ZNF813: variants seen among roughly 807,000 people sequenced by gnomAD.
ZNF813 encodes zinc finger protein 813.
A neutral mutation model predicts 7.2 loss-of-function variants in ZNF813; 3 were observed. That is an observed-to-expected ratio of 0.42 (90% CI 0.19 to 1.08). The LOEUF is 1.08. ZNF813 is among the 50% of genes least tolerant of loss of function. ZNF813 has a pLI of 0.30. For synonymous variants in ZNF813, 227 were observed against 256.3 expected, an observed-to-expected ratio of 0.89 and a Z score of 1.09; for missense variants, 714 against 753.3, an observed-to-expected ratio of 0.95 and a Z score of 0.61.
At chr19:53,480,908 A>G (rs2086405083) in intron 1 of ZNF813, among the ~76,000 whole-genome samples, 1 of 152,156 alleles carries the variant, frequency 6.6e-6, no homozygotes, top group Non-Finnish European at 1.5e-5. Flanking sequence ...ACAAGTTAAG[A>G]ATGCATAAGG....
Position 53,494,619 on chromosome 19 carries a change from G to C in ZNF813, c.*2533G>C, listed in dbSNP as rs1213006885. ...GATTGCACCATTGCACTCCAGCCTG[G>C]TCAACAAGAGCGAAACTCTGTCTCA... is the stretch of plus-strand genomic sequence containing the variant. On this transcript the variant is annotated 3_prime_UTR_variant, in exon 4 of 4. Coordinates refer to ENST00000396403, the MANE Select transcript of ZNF813 (RefSeq NM_001004301.4). 6.8e-6 allele frequency: 1 copy of C among 147,616 alleles called. No individual in the cohort carries two copies. The highest frequency in any genetic ancestry group is 1.5e-5 in the Non-Finnish European group (1 of 67,474). 9.1% of individuals were successfully genotyped at this position (147,616 alleles called of 1,614,324 possible).
chr19:53,469,633 C>CAGAG (rs762875301), intron 1 of ZNF813, among the ~76,000 whole-genome samples: 281 of 151,964 alleles, frequency 1.8e-3, no homozygotes, highest in Non-Finnish European at 3.1e-3. Flanking sequence ...AGATGAAGGA[C>CAGAG]AGCAAGGTAG....
In ZNF813 at chr19:53,495,773, T is replaced by A. The variant is rs56677247; in HGVS notation, c.*3687T>A. 4 of 152,326 alleles carry A rather than the reference T, an allele frequency of 2.6e-5. No homozygotes were observed. The Admixed American group carries it at 2.6e-4, about 10-fold the overall frequency. The allele number at this position is 152,326 out of a possible 1,614,324, so 9.4% of individuals were successfully genotyped here. On this transcript the variant is annotated 3_prime_UTR_variant, in exon 4 of 4. Coordinates refer to ENST00000396403, the MANE Select transcript of ZNF813 (RefSeq NM_001004301.4). ...TTGCAGTGAGCCAAGATGGGGGCAA[T>A]AAGAGCAAAACTTTGTCTCAAAAAA...
intron 1 of ZNF813, among the ~76,000 whole-genome samples, chr19:53,480,491 T>A (rs1010951709): frequency 6.6e-6 from 1 of 152,202 alleles, no homozygotes; most frequent in African/African-American, 2.4e-5. Flanking sequence ...TTTGTTAGAT[T>A]TTTGAAAGAC....
chr19:53,483,951 A>T, intron 2 of ZNF813, 114 bp downstream of exon 2: 14 of 1,588,806 alleles, frequency 8.8e-6, no homozygotes, highest in Non-Finnish European at 1.2e-5. Context: ...GTTTGCTCAC[A>T]TTCACCCATG....
intron 1 of ZNF813, among the ~76,000 whole-genome samples, chr19:53,481,344 C>CCTTTTTT (rs2086407452): frequency 9.4e-6 from 1 of 106,400 alleles, no homozygotes; most frequent in African/African-American, 4.1e-5. Flanking sequence ...CCCATGTATT[C>CCTTTTTT]TTTTTTTTTT....
Position 53,491,176 on chromosome 19 carries a change from A to G in ZNF813, c.944A>G (p.Lys315Arg), listed in dbSNP as rs765323955. Reference protein sequence around the residue: ...DKAFSFKSNLKRHRRIHAGEK... With the variant: ...DKAFSFKSNLRRHRRIHAGEK... ...GCTTTCAGTTTCAAATCAAACCTTA[A>G]AAGACATAGGAGAATTCATGCTGGA... Residue 315 changes from lysine to arginine, a missense_variant, in exon 4 of 4, where the codon AAA becomes AGA. Transcript: ENST00000396403. The G allele has an allele frequency of 6.8e-6, 11 of 1,613,398 alleles. No individual in the cohort carries two copies. In the South Asian group the frequency reaches 1.2e-4, roughly 18 times the overall value.
chr19:53,477,445 C>T (rs1158399694), intron 1 of ZNF813, among the ~76,000 whole-genome samples: 1 of 152,080 alleles, frequency 6.6e-6, no homozygotes, highest in East Asian at 1.9e-4. Flanking sequence ...GGGTTGTCCT[C>T]AGCCTGTACT....
At chr19:53,487,733 G>A (rs965267736) in intron 3 of ZNF813, among the ~76,000 whole-genome samples, 1 of 149,596 alleles carries the variant, frequency 6.7e-6, no homozygotes, top group Admixed American at 6.7e-5. Context: ...GGGAGGTGAA[G>A]GTTGCAGTGA....
At chr19:53,484,464 C>G (rs544846214) in intron 2 of ZNF813, among the ~76,000 whole-genome samples, 1 of 152,170 alleles carries the variant, frequency 6.6e-6, no homozygotes, top group Non-Finnish European at 1.5e-5. Context: ...TAGCACATTA[C>G]GCTCATGGAG....
intron 1 of ZNF813, among the ~76,000 whole-genome samples, chr19:53,468,280 G>T (rs1302573479): frequency 8.1e-6 from 1 of 122,756 alleles, no homozygotes; most frequent in Non-Finnish European, 1.6e-5. Flanking sequence ...TCTCCCCTCC[G>T]CAGTCACGGC....
chr19:53,495,754 T>C lies in ZNF813; in HGVS notation c.*3668T>C, dbSNP rs545679902. On this transcript the variant is annotated 3_prime_UTR_variant, in exon 4 of 4. Coordinates refer to ENST00000396403, the MANE Select transcript of ZNF813 (RefSeq NM_001004301.4). ...TTAACCTGGGGGGCGGAGGTTGCAG[T>C]GAGCCAAGATGGGGGCAATAAGAGC... 2 of 152,298 alleles carry C rather than the reference T, an allele frequency of 1.3e-5. No homozygotes were observed. Among genetic ancestry groups the C allele is most frequent in the African/African-American group, 4.8e-5 (2 of 41,340 alleles). 9.4% of individuals were successfully genotyped at this position (152,298 alleles called of 1,614,324 possible). A position where few individuals can be genotyped will look rare whatever the true frequency, so the allele number is the denominator to read the frequency against.
At chr19:53,482,146 C>T (rs1568830477) in intron 1 of ZNF813, among the ~76,000 whole-genome samples, 1 of 151,918 alleles carries the variant, frequency 6.6e-6, no homozygotes, top group Non-Finnish European at 1.5e-5. Context: ...GAGGGGAGTG[C>T]CCAGTTGTAA....
At chr19:53,484,515 T>G (rs1224322294) in intron 2 of ZNF813, among the ~76,000 whole-genome samples, 1 of 152,160 alleles carries the variant, frequency 6.6e-6, no homozygotes, top group African/African-American at 2.4e-5. Context: ...AACAGGTGTT[T>G]TCAGGAAAAT....
Position 53,490,203 on chromosome 19 carries a change from C to T in ZNF813, c.143-172C>T, listed in dbSNP as rs1216267937. Among the ~76,000 whole-genome samples, 3 of 152,260 alleles carry T rather than the reference C, an allele frequency of 2.0e-5. No individual in the cohort carries two copies. The East Asian group carries it at 5.8e-4, about 29-fold the overall frequency. On this transcript the variant is annotated intron_variant, in intron 3 of 3. Coordinates refer to ENST00000396403, the MANE Select transcript of ZNF813 (RefSeq NM_001004301.4). ...AGGGTTCCGTAGAGATGATTTGAAG[C>T]ACATGTAATAGCCCTTTATCTAATA...
chr19:53,479,184 T>C (rs1330375434), intron 1 of ZNF813, among the ~76,000 whole-genome samples: 3 of 152,150 alleles, frequency 2.0e-5, no homozygotes, highest in African/African-American at 7.2e-5. Context: ...ATCCACTTGC[T>C]TCGGCCCCCC....
intron 1 of ZNF813, among the ~76,000 whole-genome samples, chr19:53,468,184 C>T (rs1165728023): frequency 2.6e-4 from 40 of 151,018 alleles, no homozygotes; most frequent in African/African-American, 8.0e-4. Flanking sequence ...TCCCGGGATC[C>T]TGCAGACCCC....
rs147544819 is a variant in ZNF813 at position 53,491,365 on chromosome 19, C to A, written c.1133C>A (p.Thr378Lys). The change falls in exon 4 of 4, where the codon ACG becomes AAG. Residue 378 changes from threonine (T) to lysine (K), a missense_variant. By Grantham distance (78) the Thr-to-Lys change is moderately conservative. Transcript: ENST00000396403. The part of the protein sequence containing the change: ...SSLTCHHRLH[T>K]GEKPYKCNEC... ...CTTACATGCCATCATAGACTTCATA[C>A]GGGAGAGAAACCTTATAAGTGTAAT... 1.2e-6 allele frequency: 2 copies of A among 1,613,394 alleles called. No individual in the cohort carries two copies. Among genetic ancestry groups the A allele is most frequent in the Non-Finnish European group, 1.7e-6 (2 of 1,179,738 alleles).
chr19:53,472,131 A>G (rs772030958), intron 1 of ZNF813, among the ~76,000 whole-genome samples: 1 of 152,040 alleles, frequency 6.6e-6, no homozygotes, highest in Non-Finnish European at 1.5e-5. Context: ...GTGTGTGTGG[A>G]GACATGTATG....
Sources: allele counts gnomAD v4.1 joint callset (sites outside exome capture counted in the v4.1 genomes callset), GRCh38; gene constraint gnomAD v4.1.1; transcripts MANE v1.5; gene names NCBI Gene and HGNC (gene_info 2026-07-23, HGNC 2026-07-21).